FBLN2: variants seen among roughly 807,000 people sequenced by gnomAD.
The protein encoded by FBLN2 is fibulin-2.
A neutral mutation model predicts 123.7 loss-of-function variants in FBLN2; 81 were observed. The ratio of observed to expected loss-of-function variants is 0.65; its 90% CI spans 0.55 to 0.79. The LOEUF is 0.79. FBLN2 is among the 30% of genes least tolerant of loss of function. The pLI is 0.00. For synonymous variants in FBLN2, 699 were observed against 701.4 expected (o/e 1.00, Z 0.05); for missense variants, 1,603 against 1,681.3 (o/e 0.95, Z 0.81).
At chr3:13,598,638 A>G (rs1704925784) in intron 2 of FBLN2, among the ~76,000 whole-genome samples, 1 of 152,150 alleles carries the variant, frequency 6.6e-6, no homozygotes, top group African/African-American at 2.4e-5. Flanking sequence ...TGAGCTTTAC[A>G]TGAGATGATA....
chr3:13,554,046 G>A (rs1435887315), intron 1 of FBLN2, among the ~76,000 whole-genome samples: 4 of 152,276 alleles, frequency 2.6e-5, no homozygotes, highest in Non-Finnish European at 5.9e-5. Flanking sequence ...AGCCCCCGGA[G>A]CCTGCATCAT....
At position 13,625,349 on chromosome 3, in the gene FBLN2, A is replaced by G. The variant is rs572490549; in HGVS notation, c.2297-1096A>G. On this transcript the variant is annotated intron_variant, in intron 9 of 17. Coordinates refer to ENST00000404922, the MANE Select transcript of FBLN2 (RefSeq NM_001004019.2). ...CCTTCACTGGCTTCTCCTCTCCCCA[A>G]CTGCTTATCCCTGGAATCTCCCAGG... Among the ~76,000 whole-genome samples the G allele has an allele frequency of 3.9e-5, 6 of 152,102 alleles. No individual in the cohort carries two copies. In the South Asian group the frequency reaches 6.2e-4, roughly 16 times the overall value.
intron 9 of FBLN2, 109 bp downstream of exon 9, chr3:13,622,024 G>C: frequency 7.7e-7 from 1 of 1,298,942 alleles, no homozygotes; most frequent in Non-Finnish European, 1.1e-6. Flanking sequence ...TTGCATGTGA[G>C]CTCTCAGCAC....
chr3:13,606,353 T>C (rs957645310), intron 2 of FBLN2, among the ~76,000 whole-genome samples: 34 of 152,368 alleles, frequency 2.2e-4, no homozygotes, highest in African/African-American at 7.7e-4. Context: ...GAGTTCTTTG[T>C]TATACATATT....
At position 13,570,679 on chromosome 3, in the gene FBLN2, C is replaced by T; in HGVS notation, c.324C>T (p.Ser108=). The T allele has an allele frequency of 6.3e-7, 1 of 1,586,634 alleles. No homozygotes were observed. The highest frequency in any genetic ancestry group is 8.6e-7 in the Non-Finnish European group (1 of 1,167,560). Residue 108 remains serine (S), a synonymous_variant, in exon 2 of 18, where the codon AGC becomes AGT. Transcript: ENST00000404922. Reference sequence around the variant, plus strand: ...GCCCACCAGGCGGCGGCAAGATCAGCTGCCAGTTCATGCTGTGCCCGGAGC... The same window carrying T: ...GCCCACCAGGCGGCGGCAAGATCAGTTGCCAGTTCATGCTGTGCCCGGAGC... ...CSCPPGGGKI[S]CQFMLCPELP...
chr3:13,566,142 G>C (rs114230157), intron 1 of FBLN2, among the ~76,000 whole-genome samples: 18 of 152,012 alleles, frequency 1.2e-4, no homozygotes, highest in African/African-American at 4.1e-4. Context: ...CTGTCCCCCC[G>C]CAGGGAGGTC....
chr3:13,570,167 G>A (rs1336543934), intron 1 of FBLN2, 148 bp from the exon 2 acceptor site: 4 of 788,428 alleles, frequency 5.1e-6, no homozygotes, highest in Non-Finnish European at 7.7e-6. Flanking sequence ...CTGTGTGTGT[G>A]TGTGAGGCAG....
chr3:13,586,498 T>G (rs959764628), intron 2 of FBLN2, among the ~76,000 whole-genome samples: 7 of 147,506 alleles, frequency 4.7e-5, no homozygotes, highest in African/African-American at 7.5e-5. Context: ...CTTAGTTGTT[T>G]TTTTTTTTTT....
rs1706043915 is a variant in FBLN2, at chr3:13,626,494, C to T, written c.2346C>T (p.His782=). The stretch of plus-strand genomic sequence containing the variant: ...TGCACACGTGCAGCCGGGGCGAGCA[C>T]TGTGTGAACACACTGGGCTCCTTCC... ...TDLHTCSRGE[H]CVNTLGSFHC... is the part of the protein sequence containing the mutation. The change falls in exon 10 of 18, where the codon CAC becomes CAT. Residue 782 remains histidine, a synonymous_variant. Transcript: ENST00000404922. 1 of 1,575,630 alleles carries T rather than the reference C, an allele frequency of 6.3e-7. No individual in the cohort carries two copies. Among genetic ancestry groups the T allele is most frequent in the Admixed American group, 1.8e-5 (1 of 54,728 alleles).
chr3:13,554,364 G>A (rs1185545693), intron 1 of FBLN2, among the ~76,000 whole-genome samples: 14 of 152,174 alleles, frequency 9.2e-5, no homozygotes, highest in Non-Finnish European at 1.2e-4. Flanking sequence ...TCCTTAGCCT[G>A]GGACCCCCAT....
At chr3:13,633,807 C>T (rs1054606687) in intron 16 of FBLN2, among the ~76,000 whole-genome samples, 8 of 152,312 alleles carry the variant, frequency 5.3e-5, no homozygotes, top group East Asian at 1.9e-4. Context: ...CCTATCTGTC[C>T]GGCTCACCAG....
At chr3:13,612,768 A>G (rs144351620) in intron 4 of FBLN2, among the ~76,000 whole-genome samples, 139 of 152,286 alleles carry the variant, frequency 9.1e-4, no homozygotes, top group African/African-American at 3.1e-3. Flanking sequence ...GATCAGAGAT[A>G]ATGCAAACTA....
chr3:13,609,692 G>GGGGGGGGGGGGGGC, intron 4 of FBLN2, 50 bp downstream of exon 4: 10 of 508,388 alleles, frequency 2.0e-5, no homozygotes, highest in East Asian at 6.4e-5. Context: ...GGCGGGGCGG[G>GGGGGGGGGGGGGGC]AGGCTGGCCT....
intron 2 of FBLN2, among the ~76,000 whole-genome samples, chr3:13,579,854 C>G (rs189987830): frequency 6.6e-6 from 1 of 152,190 alleles, no homozygotes; most frequent in African/African-American, 2.4e-5. Context: ...TAGAACCTGT[C>G]AGAAGCACAC....
intron 1 of FBLN2, among the ~76,000 whole-genome samples, chr3:13,553,794 C>T (rs1317014442): frequency 6.6e-6 from 1 of 152,238 alleles, no homozygotes; most frequent in Non-Finnish European, 1.5e-5. Flanking sequence ...TGGTGCCACC[C>T]ACCTGTGCCG....
intron 2 of FBLN2, among the ~76,000 whole-genome samples, chr3:13,581,207 G>A (rs1559407151): frequency 6.6e-6 from 1 of 151,098 alleles, no homozygotes; most frequent in Admixed American, 6.6e-5. Flanking sequence ...GAAGTCAGGG[G>A]CGGCAGGTGG....
chr3:13,595,121 A>G (rs1466051176), intron 2 of FBLN2, among the ~76,000 whole-genome samples: 1 of 152,126 alleles, frequency 6.6e-6, no homozygotes, highest in African/African-American at 2.4e-5. Flanking sequence ...GAGGGAAGAT[A>G]CCGTGGGTGC....
intron 1 of FBLN2, among the ~76,000 whole-genome samples, chr3:13,563,505 C>T (rs1227285603): frequency 1.3e-5 from 2 of 152,254 alleles, no homozygotes; most frequent in Non-Finnish European, 2.9e-5. Context: ...CACTGGACTC[C>T]AGCTGAGATG....
intron 9 of FBLN2, among the ~76,000 whole-genome samples, chr3:13,622,333 A>G (rs549229459): frequency 2.0e-5 from 3 of 152,136 alleles, no homozygotes; most frequent in Admixed American, 1.3e-4. Context: ...TGGTTTTCTC[A>G]TCTGTAGTAA....
Sources: allele counts gnomAD v4.1 joint callset (sites outside exome capture counted in the v4.1 genomes callset), GRCh38; gene constraint gnomAD v4.1.1; transcripts MANE v1.5; gene names NCBI Gene and HGNC (gene_info 2026-07-23, HGNC 2026-07-21).